The following RFX6 variants were observed in gnomAD, a reference collection of about 807,000 sequenced individuals.
RFX6 encodes the protein DNA-binding protein RFX6.
Under a neutral mutation model 110.8 loss-of-function variants are expected in RFX6, and 50 were observed. That is an observed-to-expected ratio of 0.45 (90% CI 0.36 to 0.57). RFX6 has a LOEUF of 0.57. Among genes scored for constraint, RFX6 ranks in the 20% least tolerant of loss-of-function variants. The pLI is 0.00. For missense variants in RFX6, 990 were observed against 1,127.0 expected (o/e 0.88, Z 1.74); for synonymous variants, 383 against 411.2 (o/e 0.93, Z 0.83).
intron 3 of RFX6, 140 bp from the exon 4 acceptor site, chr6:116,882,227 T>A: frequency 1.4e-6 from 1 of 702,174 alleles, no homozygotes; most frequent in Non-Finnish European, 2.6e-6. Flanking sequence ...TATGTGTAAG[T>A]TATTACTTTT....
Position 116,927,177 on chromosome 6 carries a change from C to A in RFX6, c.2036C>A (p.Ser679Tyr). The A allele has an allele frequency of 6.2e-7, 1 of 1,614,140 alleles. No homozygotes were observed. The highest frequency in any genetic ancestry group is 8.5e-7 in the Non-Finnish European group (1 of 1,180,024). Reference protein sequence around the residue: ...GPVLSAPSHCSTYPEPIYPTL... With the variant: ...GPVLSAPSHCYTYPEPIYPTL... ...GTACTGTCAGCTCCATCACACTGCTCCACATACCCAGAGCCCATTTATCCC... is the reference window on the plus strand; with the variant it reads ...GTACTGTCAGCTCCATCACACTGCTACACATACCCAGAGCCCATTTATCCC... Residue 679 changes from serine to tyrosine, a missense_variant, in exon 17 of 19, where the codon TCC becomes TAC. Ser to Tyr is a moderately radical substitution (Grantham distance 144). Coordinates refer to ENST00000332958, the MANE Select transcript of RFX6 (RefSeq NM_173560.4).
chr6:116,890,796 TATAAA>T (rs1774813263), intron 4 of RFX6, among the ~76,000 whole-genome samples: 2 of 152,162 alleles, frequency 1.3e-5, no homozygotes, highest in African/African-American at 2.4e-5. Flanking sequence ...TTTGAGTATA[TATAAA>T]ATAGTTACTT....
At chr6:116,902,165 T>C (rs1775089218) in intron 6 of RFX6, among the ~76,000 whole-genome samples, 1 of 151,960 alleles carries the variant, frequency 6.6e-6, no homozygotes, top group South Asian at 2.1e-4. Flanking sequence ...ACTAGGTAAA[T>C]TTTTTAATGT....
intron 6 of RFX6, among the ~76,000 whole-genome samples, chr6:116,908,522 G>T (rs953084321): frequency 4.6e-5 from 7 of 152,032 alleles, no homozygotes; most frequent in African/African-American, 1.2e-4. Flanking sequence ...ACAAACTCTG[G>T]TATAGTGTTG....
chr6:116,900,380 G>A (rs1775040912), intron 6 of RFX6, among the ~76,000 whole-genome samples: 2 of 151,804 alleles, frequency 1.3e-5, no homozygotes, highest in Non-Finnish European at 2.9e-5. Context: ...TCAGCTTCCC[G>A]AGTAGCTGGG....
chr6:116,882,189 C>T (rs1373613086), intron 3 of RFX6, among the ~76,000 whole-genome samples, 178 bp from the exon 4 acceptor site: 2 of 152,116 alleles, frequency 1.3e-5, no homozygotes, highest in Non-Finnish European at 2.9e-5. Context: ...AAGTACCTCC[C>T]TGCCTCTGCT....
chr6:116,910,914 T>C (rs753031462), intron 6 of RFX6, 21 bp from the exon 7 acceptor site: 1 of 1,519,146 alleles, frequency 6.6e-7, no homozygotes, highest in Admixed American at 1.7e-5. Context: ...ATGTATTTGT[T>C]TTCATTTTTC....
rs1278726152 is a variant in RFX6 at position 116,931,555 on chromosome 6, G to A, written c.*49G>A. Reference sequence around the variant, plus strand: ...TAAAACTTTAAAAAAAATCTCTACTGTGCAAATATCATTATTCACTCAGAC... The same window carrying A: ...TAAAACTTTAAAAAAAATCTCTACTATGCAAATATCATTATTCACTCAGAC... On this transcript the variant is annotated 3_prime_UTR_variant, in exon 19 of 19. Coordinates refer to ENST00000332958, the MANE Select transcript of RFX6 (RefSeq NM_173560.4). 1 of 1,297,652 alleles carries A rather than the reference G, an allele frequency of 7.7e-7. No individual in the cohort carries two copies. Among genetic ancestry groups the A allele is most frequent in the Admixed American group, 1.9e-5 (1 of 52,720 alleles). The allele number at this position is 1,297,652 out of a possible 1,614,324, so 80.4% of individuals were successfully genotyped here.
intron 4 of RFX6, among the ~76,000 whole-genome samples, chr6:116,889,006 G>A (rs9489059): frequency 0.024 from 3,679 of 152,184 alleles, 143 homozygotes; most frequent in African/African-American, 0.084. Context: ...AGACTAAAAG[G>A]AAGATTAAAG....
chr6:116,877,582 A>G (rs1458296705), intron 1 of RFX6, 84 bp downstream of exon 1: 7 of 1,147,160 alleles, frequency 6.1e-6, no homozygotes, highest in Non-Finnish European at 8.6e-6. Flanking sequence ...ATGCATCCCG[A>G]ACAAACATAA....
At chr6:116,890,997 T>C (rs1362365492) in intron 4 of RFX6, among the ~76,000 whole-genome samples, 3 of 152,208 alleles carry the variant, frequency 2.0e-5, no homozygotes, top group African/African-American at 7.2e-5. Context: ...ACATCTGTAT[T>C]AGTTAGGATT....
In RFX6 at chr6:116,880,705, A is replaced by T. The variant is rs149957510; in HGVS notation, c.504+38A>T. ...TATTGGCTATAGTGACTTATAACTAAAGTCATGTCAGGCAGATAGCATGAA... is the reference window on the plus strand; with the variant it reads ...TATTGGCTATAGTGACTTATAACTATAGTCATGTCAGGCAGATAGCATGAA... On this transcript the variant is annotated intron_variant, in intron 3 of 18. Coordinates refer to ENST00000332958, the MANE Select transcript of RFX6 (RefSeq NM_173560.4). The T allele has an allele frequency of 5.4e-4, 861 of 1,608,012 alleles. 1 individual carries two copies. The African/African-American group carries it at 9.0e-3, about 17-fold the overall frequency.
Position 116,922,064 on chromosome 6 carries a change from A to G in RFX6, c.1350A>G (p.Gln450=), listed in dbSNP as rs755134478. Reference sequence around the variant, plus strand: ...TAGATGACTCTATCACTGTGTTCCAAGAACTGAAGGATCTCCTTAAGAAGA... The same window carrying G: ...TAGATGACTCTATCACTGTGTTCCAGGAACTGAAGGATCTCCTTAAGAAGA... The part of the protein sequence containing the change: ...YTEHDSITVF[Q]ELKDLLKKNA... Residue 450 remains glutamine, a synonymous_variant, in exon 13 of 19, where the codon CAA becomes CAG. Transcript: ENST00000332958. 3 of 1,527,088 alleles carry G rather than the reference A, an allele frequency of 2.0e-6. No individual in the cohort carries two copies. Among genetic ancestry groups the G allele is most frequent in the African/African-American group, 2.7e-5 (2 of 72,772 alleles). The allele number at this position is 1,527,088 out of a possible 1,614,324, so 94.6% of individuals were successfully genotyped here. A position where few individuals can be genotyped will look rare whatever the true frequency, so the allele number is the denominator to read the frequency against.
chr6:116,879,693 T>G (rs1173069757), intron 2 of RFX6, among the ~76,000 whole-genome samples: 1 of 151,890 alleles, frequency 6.6e-6, no homozygotes, highest in East Asian at 1.9e-4. Flanking sequence ...TATAAGTAAA[T>G]TTTAGTCAAA....
rs369655782 is a variant in RFX6 at position 116,877,504 on chromosome 6, T to G, written c.223+6T>G. ...GCCGGGGGCAGTGAAATCAGGTGAG[T>G]GCTCTGCCGCATCCGGAGCTGGGAA... On this transcript the variant is annotated splice_donor_region_variant and intron_variant, in intron 1 of 18. Transcript: ENST00000332958. The G allele has an allele frequency of 3.5e-4, 544 of 1,548,668 alleles. 4 individuals carry two copies. The African/African-American group carries it at 6.6e-3, about 19-fold the overall frequency.
At position 116,879,277 on chromosome 6, in the gene RFX6, C is replaced by T. The variant is rs553021739; in HGVS notation, c.381-1267C>T. Among the ~76,000 whole-genome samples, 17 of 151,746 alleles carry T rather than the reference C, an allele frequency of 1.1e-4. No homozygotes were observed. The South Asian group carries it at 2.7e-3, about 24-fold the overall frequency. On this transcript the variant is annotated intron_variant, in intron 2 of 18. Coordinates refer to ENST00000332958, the MANE Select transcript of RFX6 (RefSeq NM_173560.4). ...AATATTTTGAAGACAAAGACAATGC[C>T]GACTACAACAGTATCAAAATAGCAA...
At chr6:116,884,821 T>A (rs1774664825) in intron 4 of RFX6, 1 of 152,172 alleles carries the variant, frequency 6.6e-6, no homozygotes, top group Admixed American at 6.5e-5. Flanking sequence ...TTTATTTGAA[T>A]CCAAGAGCCA....
chr6:116,897,586 G>A (rs1339226591), intron 6 of RFX6, among the ~76,000 whole-genome samples: 2 of 152,194 alleles, frequency 1.3e-5, no homozygotes, highest in African/African-American at 4.8e-5. Flanking sequence ...GGGGAATTAT[G>A]CATCAGACTT....
At chr6:116,921,183 C>G (rs1408063663) in intron 12 of RFX6, among the ~76,000 whole-genome samples, 5 of 152,172 alleles carry the variant, frequency 3.3e-5, no homozygotes, top group Admixed American at 6.5e-5. Context: ...GGCCCAATCT[C>G]AACTCCACTT....
Sources: gnomAD v4.1 joint callset for allele counts (sites outside exome capture counted in the v4.1 genomes callset) on GRCh38, gnomAD v4.1.1 for gene constraint, MANE v1.5 for transcripts, NCBI Gene and HGNC (gene_info 2026-07-23, HGNC 2026-07-21) for gene names.